Variants in ADAMTS6 observed in about 807,000 individuals in gnomAD.
ADAMTS6 encodes A disintegrin and metalloproteinase with thrombospondin motifs 6.
ADAMTS6 carries 23 observed loss-of-function variants against 144.3 expected under a neutral mutation model. The ratio of observed to expected loss-of-function variants is 0.16; its 90% CI spans 0.11 to 0.23. The LOEUF (loss-of-function observed/expected upper bound fraction) is 0.23, where lower values mean the gene tolerates loss of function less well. Ranked by LOEUF, ADAMTS6 falls within the 10% of genes least tolerant of loss-of-function variation. The pLI, the probability that ADAMTS6 is intolerant of heterozygous loss-of-function variation, is 1.00. For synonymous variants in ADAMTS6, 444 were observed against 457.5 expected (o/e 0.97, Z 0.38); for missense variants, 999 against 1,379.6 (o/e 0.72, Z 4.37).
At chr5:65,427,809 A>C (rs1756671059) in intron 7 of ADAMTS6, among the ~76,000 whole-genome samples, 1 of 152,092 alleles carries the variant, frequency 6.6e-6, no homozygotes, top group African/African-American at 2.4e-5. Context: ...AAAAAAAAAA[A>C]ACAAAAATGC....
chr5:65,376,898 T>C (rs549023657), intron 7 of ADAMTS6, among the ~76,000 whole-genome samples: 3 of 151,942 alleles, frequency 2.0e-5, no homozygotes, highest in Non-Finnish European at 4.4e-5. Context: ...TTATGTAAAA[T>C]ATTTGGTTTC....
chr5:65,377,018 T>C (rs1374330479), intron 7 of ADAMTS6, among the ~76,000 whole-genome samples: 1 of 152,082 alleles, frequency 6.6e-6, no homozygotes, highest in Admixed American at 6.6e-5. Context: ...AAGACTTATA[T>C]ATATATAAAT....
rs1762894012 is a variant in ADAMTS6 at position 65,280,357 on chromosome 5, T to C, written c.1513-6910A>G. On this transcript the variant is annotated intron_variant, in intron 11 of 24. Coordinates refer to ENST00000381055, the MANE Select transcript of ADAMTS6 (RefSeq NM_197941.4). ...ATCAACTTTTAAACTATAACACAAA[T>C]GATACAAAAGATGTGTATCTTCACA... is the stretch of plus-strand genomic sequence containing the variant. 2.0e-5 allele frequency among the ~76,000 whole-genome samples: 3 copies of C among 152,168 alleles called. No individual in the cohort carries two copies. In the South Asian group the frequency reaches 6.2e-4, roughly 32 times the overall value.
chr5:65,349,565 G>T (rs1748646666), intron 7 of ADAMTS6, among the ~76,000 whole-genome samples: 1 of 151,946 alleles, frequency 6.6e-6, no homozygotes, highest in African/African-American at 2.4e-5. Flanking sequence ...GCTTAAAAAA[G>T]ACTTTGAGGC....
intron 7 of ADAMTS6, among the ~76,000 whole-genome samples, chr5:65,443,949 A>G (rs923028120): frequency 3.3e-5 from 5 of 152,182 alleles, no homozygotes; most frequent in African/African-American, 1.2e-4. Context: ...CACCTTTATT[A>G]TACATTGTAT....
chr5:65,151,641 C>CT lies in ADAMTS6; in HGVS notation c.*194dup. On this transcript the variant is annotated 3_prime_UTR_variant, in exon 25 of 25. Transcript: ENST00000381055. ...TTCCCTCCTAATACCGTGTCCAGCACTTTGGATCAATAAATCCCACTTCAC... is the reference window on the plus strand; with the variant it reads ...TTCCCTCCTAATACCGTGTCCAGCACTTTTGGATCAATAAATCCCACTTCAC... 1 of 534,426 alleles carries CT rather than the reference C, an allele frequency of 1.9e-6. No individual in the cohort carries two copies. The highest frequency in any genetic ancestry group is 3.4e-6 in the Non-Finnish European group (1 of 297,968). 33.1% of individuals were successfully genotyped at this position (534,426 alleles called of 1,614,324 possible). A position where few individuals can be genotyped will look rare whatever the true frequency, so the allele number is the denominator to read the frequency against.
intron 9 of ADAMTS6, among the ~76,000 whole-genome samples, chr5:65,300,638 C>CT (rs1340006416): frequency 0.029 from 4,190 of 146,262 alleles, 165 homozygotes; most frequent in African/African-American, 0.093. Context: ...CTTTTTCTTT[C>CT]TTTTTTTTTT....
intron 7 of ADAMTS6, among the ~76,000 whole-genome samples, chr5:65,418,250 A>G (rs1755708722): frequency 1.3e-5 from 2 of 152,210 alleles, no homozygotes; most frequent in Admixed American, 1.3e-4. Flanking sequence ...GTAAGACCTC[A>G]AATTATAAGA....
chr5:65,374,814 C>G (rs1050479889), intron 7 of ADAMTS6, among the ~76,000 whole-genome samples: 2 of 152,124 alleles, frequency 1.3e-5, no homozygotes, highest in Non-Finnish European at 2.9e-5. Flanking sequence ...CAATCCTAAG[C>G]CAAAAGAACA....
At chr5:65,424,433 T>A (rs1044505531) in intron 7 of ADAMTS6, among the ~76,000 whole-genome samples, 11 of 152,252 alleles carry the variant, frequency 7.2e-5, no homozygotes, top group African/African-American at 2.7e-4. Flanking sequence ...TGTTTTATTG[T>A]ATTGTCAATG....
At chr5:65,453,848 A>G (rs1235968491) in intron 4 of ADAMTS6, among the ~76,000 whole-genome samples, 1 of 151,098 alleles carries the variant, frequency 6.6e-6, no homozygotes. Flanking sequence ...ACTTGACAGA[A>G]AGTGTAACTA....
chr5:65,269,163 A>C (rs1186456934), intron 12 of ADAMTS6, among the ~76,000 whole-genome samples: 7 of 152,246 alleles, frequency 4.6e-5, no homozygotes, highest in African/African-American at 1.7e-4. Flanking sequence ...GTTGGCAAAT[A>C]ACAATGAAAA....
intron 7 of ADAMTS6, among the ~76,000 whole-genome samples, chr5:65,441,695 A>G (rs568250919): frequency 6.6e-6 from 1 of 152,258 alleles, no homozygotes; most frequent in South Asian, 2.1e-4. Context: ...AAGTCTCAAT[A>G]AACTAAAAAG....
chr5:65,276,052 G>C (rs1740814750), intron 11 of ADAMTS6, among the ~76,000 whole-genome samples: 1 of 152,070 alleles, frequency 6.6e-6, no homozygotes. Flanking sequence ...GATACTTATT[G>C]CATCTATCAG....
rs573999170 is a variant in ADAMTS6 at position 65,231,904 on chromosome 5, G to A, written c.1934-5685C>T. Among the ~76,000 whole-genome samples, 169 of 152,234 alleles carry A rather than the reference G, an allele frequency of 1.1e-3. 1 individual carries two copies. The highest frequency in any genetic ancestry group is 3.9e-3 in the African/African-American group (160 of 41,546). On this transcript the variant is annotated intron_variant, in intron 15 of 24. Coordinates refer to ENST00000381055, the MANE Select transcript of ADAMTS6 (RefSeq NM_197941.4). ...GTAGGTGGATCACTTGAGGTCAGGA[G>A]TTCGAGACCAGCCAGGCCAACATGT...
intron 7 of ADAMTS6, among the ~76,000 whole-genome samples, chr5:65,398,158 G>A (rs1055785295): frequency 6.6e-6 from 1 of 152,130 alleles, no homozygotes; most frequent in Admixed American, 6.5e-5. Context: ...TGACGGTGTT[G>A]TTGAGTTCAA....
intron 7 of ADAMTS6, among the ~76,000 whole-genome samples, chr5:65,364,613 C>T (rs1343338943): frequency 7.1e-6 from 1 of 141,830 alleles, no homozygotes; most frequent in African/African-American, 2.7e-5. Flanking sequence ...GTCGCCCAGG[C>T]TGGAGTGCAG....
chr5:65,407,856 G>T (rs1754688210), intron 7 of ADAMTS6, among the ~76,000 whole-genome samples: 1 of 152,086 alleles, frequency 6.6e-6, no homozygotes, highest in Non-Finnish European at 1.5e-5. Flanking sequence ...CATTATTAAA[G>T]AAAAGAATTT....
intron 1 of ADAMTS6, among the ~76,000 whole-genome samples, chr5:65,481,008 G>A (rs1394266112): frequency 2.0e-5 from 3 of 151,916 alleles, no homozygotes; most frequent in Non-Finnish European, 1.5e-5. Context: ...TTACCTTCCG[G>A]ATTACTATTT....
Sources: gnomAD v4.1 joint callset for allele counts (sites outside exome capture counted in the v4.1 genomes callset) on GRCh38, gnomAD v4.1.1 for gene constraint, MANE v1.5 for transcripts, NCBI Gene and HGNC (gene_info 2026-07-23, HGNC 2026-07-21) for gene names.